DSE: variants seen among roughly 807,000 people sequenced by gnomAD.
DSE encodes the protein dermatan sulfate epimerase.
Under a neutral mutation model 84.4 loss-of-function variants are expected in DSE, and 36 were observed. The ratio of observed to expected loss-of-function variants is 0.43; its 90% CI spans 0.33 to 0.56. DSE has a LOEUF of 0.56. Ranked by LOEUF, DSE falls within the 20% of genes least tolerant of loss-of-function variation. The probability of loss-of-function intolerance (pLI) is 0.06; values close to 1 mark genes in which losing one functional copy is unlikely to be tolerated. For synonymous variants in DSE, 410 were observed against 430.1 expected (o/e 0.95, Z 0.58); for missense variants, 862 against 1,169.6 (o/e 0.74, Z 3.84).
intron 1 of DSE, among the ~76,000 whole-genome samples, chr6:116,371,708 G>A (rs1464535611): frequency 1.3e-5 from 2 of 152,194 alleles, no homozygotes; most frequent in East Asian, 1.9e-4. Flanking sequence ...GGCACTCGGA[G>A]AAATTGTTAG....
intron 2 of DSE, among the ~76,000 whole-genome samples, chr6:116,402,466 G>A (rs1303251214): frequency 6.6e-6 from 1 of 152,040 alleles, no homozygotes; most frequent in Non-Finnish European, 1.5e-5. Flanking sequence ...TACCTTATAG[G>A]GTTGCTAGGA....
chr6:116,334,432 A>G (rs1210117651), intron 2 of DSE, among the ~76,000 whole-genome samples: 2 of 152,184 alleles, frequency 1.3e-5, no homozygotes, highest in Admixed American at 1.3e-4. Context: ...AACTATATCC[A>G]GAGAATTAGG....
At chr6:116,349,988 T>C (rs1338424044) in intron 2 of DSE, among the ~76,000 whole-genome samples, 1 of 152,222 alleles carries the variant, frequency 6.6e-6, no homozygotes, top group African/African-American at 2.4e-5. Context: ...TTTAAAAGAA[T>C]CACTTACATA....
At position 116,304,603 on chromosome 6, in the gene DSE, C is replaced by T. The variant is rs536388723; in HGVS notation, c.-54+45636C>T. Among the ~76,000 whole-genome samples the T allele has an allele frequency of 9.2e-5, 14 of 152,260 alleles. No homozygotes were observed. In the East Asian group the frequency reaches 2.5e-3, roughly 27 times the overall value. ...CCAAAATGCTTTTTGCTTAGAAGAGCTTTTGGGGTTTGGAAATTCTGGTTG... is the reference window on the plus strand; with the variant it reads ...CCAAAATGCTTTTTGCTTAGAAGAGTTTTTGGGGTTTGGAAATTCTGGTTG... On this transcript the variant is annotated intron_variant, in intron 2 of 3. Transcript: ENST00000430252.
At chr6:116,357,015 G>C (rs942656567) in intron 2 of DSE, among the ~76,000 whole-genome samples, 2 of 152,146 alleles carry the variant, frequency 1.3e-5, no homozygotes, top group Non-Finnish European at 2.9e-5. Context: ...TATGGTTTAA[G>C]TGAGGCCTTA....
chr6:116,341,381 C>CT (rs1777582821), intron 2 of DSE, among the ~76,000 whole-genome samples: 1 of 152,008 alleles, frequency 6.6e-6, no homozygotes, highest in Non-Finnish European at 1.5e-5. Context: ...GATATTAGCC[C>CT]TTGTCAGATG....
At chr6:116,294,926 C>T (rs182200105) in intron 2 of DSE, among the ~76,000 whole-genome samples, 2 of 152,284 alleles carry the variant, frequency 1.3e-5, no homozygotes, top group African/African-American at 4.8e-5. Context: ...AGACTACTCA[C>T]CAACTCCTTA....
chr6:116,258,649 G>C, exon 2 of DSE: 1 of 1,612,306 alleles, frequency 6.2e-7, no homozygotes, highest in Non-Finnish European at 8.5e-7. Flanking sequence ...ACGAGCACCT[G>C]TGCACAGCAG....
At chr6:116,416,826 G>A (rs1236114645) in intron 2 of DSE, among the ~76,000 whole-genome samples, 2 of 151,996 alleles carry the variant, frequency 1.3e-5, no homozygotes, top group Admixed American at 1.3e-4. Context: ...CATTGACTGA[G>A]TGATAACATC....
intron 2 of DSE, chr6:116,278,988 A>C (rs1049911468): frequency 3.1e-6 from 5 of 1,614,004 alleles, no homozygotes; most frequent in Non-Finnish European, 4.2e-6. Context: ...TTCGAAAAGC[A>C]GTCATCCAGA....
intron 2 of DSE, chr6:116,401,363 T>A (rs776206338): frequency 2.0e-5 from 3 of 152,158 alleles, no homozygotes; most frequent in Non-Finnish European, 4.4e-5. Flanking sequence ...AGTACTTTAT[T>A]CATGGCAATA....
intron 2 of DSE, among the ~76,000 whole-genome samples, chr6:116,295,926 T>C (rs1420239696): frequency 6.6e-6 from 1 of 152,180 alleles, no homozygotes; most frequent in African/African-American, 2.4e-5. Context: ...AAACCAATAA[T>C]AAACTAGGCA....
At chr6:116,285,255 T>C (rs1325943763) in intron 2 of DSE, among the ~76,000 whole-genome samples, 1 of 152,224 alleles carries the variant, frequency 6.6e-6, no homozygotes, top group Non-Finnish European at 1.5e-5. Context: ...TTGATTTGCA[T>C]TTCTCTGATG....
chr6:116,327,255 C>T (rs9481626), intron 2 of DSE, among the ~76,000 whole-genome samples: 3,310 of 152,254 alleles, frequency 0.022, 130 homozygotes, highest in African/African-American at 0.071. Context: ...ACTATTGACC[C>T]TTGAGGTACA....
In DSE at chr6:116,298,792, CAA is replaced by C. The variant is rs574353814; in HGVS notation, c.-54+39827_-54+39828del. 2.0e-4 allele frequency among the ~76,000 whole-genome samples: 31 copies of C among 152,336 alleles called. 2 individuals carry two copies. In the South Asian group the frequency reaches 6.2e-3, roughly 31 times the overall value. On this transcript the variant is annotated intron_variant, in intron 2 of 3. Transcript: ENST00000430252. ...CTCAGCTCCAGTGTTGAAACTCACACAAAGCCTTTGACTTTTCTGCATTCTGA... is the reference window on the plus strand; with the variant it reads ...CTCAGCTCCAGTGTTGAAACTCACACAGCCTTTGACTTTTCTGCATTCTGA...
chr6:116,405,711 G>A (rs1213173232), intron 2 of DSE, among the ~76,000 whole-genome samples: 2 of 152,200 alleles, frequency 1.3e-5, no homozygotes, highest in Non-Finnish European at 2.9e-5. Flanking sequence ...CTTGAATGCC[G>A]TTTATTAAGC....
chr6:116,288,900 A>C (rs1426005094), intron 2 of DSE, among the ~76,000 whole-genome samples: 1 of 152,076 alleles, frequency 6.6e-6, no homozygotes, highest in Non-Finnish European at 1.5e-5. Context: ...AAGGGAAAAA[A>C]ACACCTTTTG....
In DSE at chr6:116,421,464, T is replaced by TATATATATATATATATATATATA. The variant is rs57759351; in HGVS notation, c.417-5110_417-5109insATATATATATATATATATATATA. 2.0e-4 allele frequency among the ~76,000 whole-genome samples: 8 copies of TATATATATATATATATATATATA among 39,846 alleles called. 1 individual carries two copies. Among genetic ancestry groups the TATATATATATATATATATATATA allele is most frequent in the African/African-American group, 1.1e-3 (8 of 7,246 alleles). The allele number at this position is 39,846 out of a possible 152,430, so 26.1% of individuals were successfully genotyped here. A position where few individuals can be genotyped will look rare whatever the true frequency, so the allele number is the denominator to read the frequency against. Reference sequence around the variant, plus strand: ...ATACATATATATATATATATATATATTTTTTTTTTTTTTTTTTTTTTTTTT... The same window carrying TATATATATATATATATATATATA: ...ATACATATATATATATATATATATATATATATATATATATATATATATATTTTTTTTTTTTTTTTTTTTTTTTT... On this transcript the variant is annotated intron_variant, in intron 2 of 5. Coordinates refer to ENST00000644252, the MANE Select transcript of DSE (RefSeq NM_013352.4).
intron 2 of DSE, among the ~76,000 whole-genome samples, chr6:116,334,607 G>A (rs144187509): frequency 5.8e-4 from 88 of 151,962 alleles, no homozygotes; most frequent in African/African-American, 2.0e-3. Context: ...CCATTCCTAC[G>A]TCCAGAATGG....
Sources: allele counts gnomAD v4.1 joint callset (sites outside exome capture counted in the v4.1 genomes callset), GRCh38; gene constraint gnomAD v4.1.1; transcripts MANE v1.5; gene names NCBI Gene and HGNC (gene_info 2026-07-23, HGNC 2026-07-21).